The following TDRD9 variants were observed in gnomAD, a reference collection of about 807,000 sequenced individuals.
TDRD9 encodes the protein tudor domain containing 9.
Under a neutral mutation model 172.6 loss-of-function variants are expected in TDRD9, and 124 were observed. That is an observed-to-expected ratio of 0.72 (90% confidence interval 0.62 to 0.83). The LOEUF (loss-of-function observed/expected upper bound fraction) is 0.83. Ranked by LOEUF, TDRD9 falls within the 40% of genes least tolerant of loss-of-function variation. The pLI is 0.00. For synonymous variants in TDRD9, 619 were observed against 617.1 expected (o/e 1.00, Z -0.05); for missense variants, 1,479 against 1,714.1 (o/e 0.86, Z 2.42).
chr14:103,968,515 G>A (rs932307332), intron 5 of TDRD9, among the ~76,000 whole-genome samples: 3 of 152,042 alleles, frequency 2.0e-5, no homozygotes, highest in African/African-American at 4.8e-5. Flanking sequence ...GGCCGGGCAC[G>A]GTGGCTCACA....
Position 103,963,105 on chromosome 14 carries a change from A to G in TDRD9, c.349A>G (p.Ser117Gly), listed in dbSNP as rs1037957116. The G allele has an allele frequency of 6.5e-7, 1 of 1,548,988 alleles. No individual in the cohort carries two copies. Among genetic ancestry groups the G allele is most frequent in the Non-Finnish European group, 8.7e-7 (1 of 1,145,942 alleles). ...TCCAAGGCCATCTTTGGCTAAATTA[A>G]GCAGTGTGACATGCATCCCAGGGAC... is the stretch of plus-strand genomic sequence containing the variant. ...PGPRPSLAKL[S>G]SVTCIPGTTY... The change falls in exon 3 of 36, where the codon AGC (serine) becomes GGC (glycine). Residue 117 changes from serine (S) to glycine (G), a missense_variant. By Grantham distance (56) the Ser-to-Gly change is moderately conservative (BLOSUM62 0). Transcript: ENST00000409874.
At chr14:104,049,562 A>G (rs774557938) in intron 34 of TDRD9, 46 bp from the exon 35 acceptor site, 7 of 1,430,046 alleles carry the variant, frequency 4.9e-6, no homozygotes, top group Non-Finnish European at 4.8e-6. Context: ...CAGTGTTTTC[A>G]GTTACTAATA....
At position 104,005,396 on chromosome 14, in the gene TDRD9, A is replaced by G. The variant is rs771642930; in HGVS notation, c.1704A>G (p.Leu568=). The change falls in exon 15 of 36, where the codon CTA becomes CTG. Residue 568 remains leucine (L), a synonymous_variant. Coordinates refer to ENST00000409874, the MANE Select transcript of TDRD9 (RefSeq NM_153046.3). ...GLSDIERTIL[L]LKEVGALAVS... ...GTGACATTGAGCGCACCATCCTTCTACTAAAGGAGGTAGGACTGCCTGCTG... is the reference window on the plus strand; with the variant it reads ...GTGACATTGAGCGCACCATCCTTCTGCTAAAGGAGGTAGGACTGCCTGCTG... The G allele has an allele frequency of 3.1e-6, 5 of 1,613,840 alleles. No individual in the cohort carries two copies. The South Asian group carries it at 4.4e-5, about 14-fold the overall frequency.
chr14:103,990,359 C>T (rs1439252085), intron 8 of TDRD9, among the ~76,000 whole-genome samples: 2 of 152,252 alleles, frequency 1.3e-5, no homozygotes, highest in African/African-American at 4.8e-5. Flanking sequence ...ACCCCTCACA[C>T]CCCTTTCTCC....
chr14:103,989,402 G>A (rs1163640698), intron 8 of TDRD9, among the ~76,000 whole-genome samples: 2 of 152,160 alleles, frequency 1.3e-5, no homozygotes, highest in Non-Finnish European at 2.9e-5. Flanking sequence ...TTGGATGCAT[G>A]GTAATACCAT....
chr14:104,034,149 A>G (rs1291151095), intron 31 of TDRD9, 80 bp downstream of exon 31: 14 of 760,256 alleles, frequency 1.8e-5, no homozygotes, highest in Non-Finnish European at 3.2e-5. Flanking sequence ...AACTTATCCT[A>G]TAATTGGTGA....
At chr14:103,994,186 T>C (rs2033974253) in intron 9 of TDRD9, 146 bp from the exon 10 acceptor site, 1 of 699,158 alleles carries the variant, frequency 1.4e-6, no homozygotes, top group Non-Finnish European at 2.5e-6. Context: ...TACTTGTGTT[T>C]CTGGCATATT....
intron 34 of TDRD9, among the ~76,000 whole-genome samples, chr14:104,043,493 C>T (rs1566805190): frequency 6.6e-6 from 1 of 152,132 alleles, no homozygotes; most frequent in African/African-American, 2.4e-5. Context: ...TTCAGCCTCC[C>T]AAAGTGCTGG....
chr14:104,025,847 C>G (rs2035100700), intron 26 of TDRD9, 71 bp downstream of exon 26: 29 of 1,284,308 alleles, frequency 2.3e-5, no homozygotes, highest in Non-Finnish European at 3.2e-5. Flanking sequence ...TATCAAATAT[C>G]TTTTATAATT....
chr14:103,953,216 G>C (rs991520166), intron 1 of TDRD9, among the ~76,000 whole-genome samples: 3 of 152,040 alleles, frequency 2.0e-5, no homozygotes, highest in African/African-American at 7.2e-5. Context: ...GCTCCTCCCT[G>C]ATACTTCCAG....
chr14:103,982,671 C>T (rs545138918), intron 7 of TDRD9, among the ~76,000 whole-genome samples: 5 of 152,134 alleles, frequency 3.3e-5, no homozygotes, highest in Admixed American at 6.5e-5. Flanking sequence ...TTTGGGAGGC[C>T]GAGGCAGGCG....
chr14:103,998,733 G>T lies in TDRD9; in HGVS notation c.1483+5G>T. 1 of 1,465,230 alleles carries T rather than the reference G, an allele frequency of 6.8e-7. No homozygotes were observed. Among genetic ancestry groups the T allele is most frequent in the Non-Finnish European group, 9.6e-7 (1 of 1,045,062 alleles). 90.8% of individuals were successfully genotyped at this position (1,465,230 alleles called of 1,614,324 possible). On this transcript the variant is annotated splice_donor_5th_base_variant and intron_variant, in intron 13 of 35. Coordinates refer to ENST00000409874, the MANE Select transcript of TDRD9 (RefSeq NM_153046.3). ...CCAGCTGTAATCAGAGAAAAGGTAA[G>T]ACATTTGTGTTAAAGCACAATAATG...
intron 2 of TDRD9, among the ~76,000 whole-genome samples, chr14:103,960,707 G>A (rs946929765): frequency 6.6e-6 from 1 of 152,176 alleles, no homozygotes; most frequent in Non-Finnish European, 1.5e-5. Flanking sequence ...ACCTAAAAAT[G>A]TCAGCTTGTG....
rs759638583 is a variant in TDRD9, at chr14:104,006,672, T to G, written c.1906T>G (p.Phe636Val). The G allele has an allele frequency of 6.2e-7, 1 of 1,613,994 alleles. No homozygotes were observed. Among genetic ancestry groups the G allele is most frequent in the South Asian group, 1.1e-5 (1 of 91,070 alleles). Reference sequence around the variant, plus strand: ...GGCAGCTCTTTCTTTGAAGAATTTTTTTGCAATGCCTTTCCGGCAGCATCT... The same window carrying G: ...GGCAGCTCTTTCTTTGAAGAATTTTGTTGCAATGCCTTTCCGGCAGCATCT... Reference protein sequence around the residue: ...IAAALSLKNFFAMPFRQHLDG... With the variant: ...IAAALSLKNFVAMPFRQHLDG... Residue 636 changes from phenylalanine to valine, a missense_variant, in exon 17 of 36, where the codon TTT (phenylalanine) becomes GTT (valine). By Grantham distance (50) the Phe-to-Val change is conservative. This residue lies in a region of TDRD9 where 1,413 missense variants were observed against 1,649.1 expected (regional missense o/e 0.86). Transcript: ENST00000409874.
At chr14:104,024,502 C>T in intron 24 of TDRD9, 67 bp from the exon 25 acceptor site, 2 of 814,448 alleles carry the variant, frequency 2.5e-6, no homozygotes, top group Non-Finnish European at 4.0e-6. Flanking sequence ...GTGATAATTT[C>T]ACATATGTAA....
At chr14:103,953,281 G>A (rs1454408831) in intron 1 of TDRD9, among the ~76,000 whole-genome samples, 6 of 151,854 alleles carry the variant, frequency 4.0e-5, no homozygotes, top group South Asian at 2.1e-4. Flanking sequence ...TCCTCTTCCC[G>A]CCCCCTCCTG....
At chr14:103,947,492 T>G (rs1026175055) in intron 1 of TDRD9, among the ~76,000 whole-genome samples, 1 of 152,058 alleles carries the variant, frequency 6.6e-6, no homozygotes, top group African/African-American at 2.4e-5. Context: ...CACGCCCGGC[T>G]AATTTTTTTG....
At chr14:104,017,967 T>G in intron 22 of TDRD9, 125 bp from the exon 23 acceptor site, 1 of 631,828 alleles carries the variant, frequency 1.6e-6, no homozygotes, top group African/African-American at 1.8e-5. Context: ...TTATATATTA[T>G]GGTTAAAGAT....
intron 2 of TDRD9, among the ~76,000 whole-genome samples, chr14:103,957,824 A>T (rs944470628): frequency 6.6e-6 from 1 of 152,222 alleles, no homozygotes; most frequent in Non-Finnish European, 1.5e-5. Flanking sequence ...AGCGTGCCGG[A>T]TGGATTACCA....
Sources: gnomAD v4.1 joint callset for allele counts (sites outside exome capture counted in the v4.1 genomes callset) on GRCh38, gnomAD v4.1.1 for gene constraint, gnomAD v4.1.1 regional missense constraint, MANE v1.5 for transcripts, NCBI Gene and HGNC (gene_info 2026-07-23, HGNC 2026-07-21) for gene names.